AOX1: variants seen among roughly 807,000 people sequenced by gnomAD.
AOX1 encodes aldehyde oxidase 1.
Under a neutral mutation model 169.5 loss-of-function variants are expected in AOX1, and 153 were observed. The ratio of observed to expected loss-of-function variants is 0.90; its 90% CI spans 0.79 to 1.03. AOX1 has a LOEUF of 1.03. AOX1 is among the 50% of genes least tolerant of loss of function. The probability of loss-of-function intolerance (pLI) is 0.00; values close to 1 mark genes in which losing one functional copy is unlikely to be tolerated. For synonymous variants in AOX1, 562 were observed against 581.9 expected (o/e 0.97, Z 0.49); for missense variants, 1,656 against 1,663.9 (o/e 1.00, Z 0.08).
At chr2:200,643,959 G>A (rs1344273101) in intron 25 of AOX1, among the ~76,000 whole-genome samples, 1 of 147,578 alleles carries the variant, frequency 6.8e-6, no homozygotes, top group Non-Finnish European at 1.5e-5. Flanking sequence ...ATGGATATTA[G>A]TCCTTTGTCA....
chr2:200,681,599 A>G (rs1180010280), downstream of AOX1: 1 of 152,452 alleles, frequency 6.6e-6, no homozygotes, highest in African/African-American at 2.4e-5. Context: ...AAAAAAATTT[A>G]TTGATTGATC....
chr2:200,618,818 T>C (rs1281984836), intron 16 of AOX1, among the ~76,000 whole-genome samples: 4 of 152,168 alleles, frequency 2.6e-5, no homozygotes, highest in African/African-American at 9.7e-5. Flanking sequence ...TTTGTGGGAT[T>C]AGATGAATTA....
intron 16 of AOX1, among the ~76,000 whole-genome samples, chr2:200,619,849 A>G (rs17448686): frequency 0.1 from 15,362 of 152,222 alleles, 1,033 homozygotes; most frequent in Non-Finnish European, 0.15. Context: ...TGAAAAAAAG[A>G]AGGCTATTCT....
intron 16 of AOX1, among the ~76,000 whole-genome samples, chr2:200,619,360 T>C (rs2034834317): frequency 6.6e-6 from 1 of 152,156 alleles, no homozygotes; most frequent in South Asian, 2.1e-4. Context: ...CCAACATGAC[T>C]GCATGCCCCT....
chr2:200,662,367 A>T (rs2035844124), intron 30 of AOX1, among the ~76,000 whole-genome samples: 1 of 152,206 alleles, frequency 6.6e-6, no homozygotes, highest in Non-Finnish European at 1.5e-5. Flanking sequence ...AAGATTAGTT[A>T]GGAACAGAGC....
At chr2:200,591,196 A>T (rs1197265192) in intron 1 of AOX1, among the ~76,000 whole-genome samples, 1 of 152,230 alleles carries the variant, frequency 6.6e-6, no homozygotes, top group South Asian at 2.1e-4. Context: ...AGTGTTTGGC[A>T]TAAAGAAGAA....
chr2:200,673,444 G>T (rs1015250040), downstream of AOX1, among the ~76,000 whole-genome samples: 19 of 152,284 alleles, frequency 1.2e-4, no homozygotes, highest in African/African-American at 4.6e-4. Context: ...ATTCAGGCAC[G>T]AAATCCTGTC....
chr2:200,669,858 GAC>G, intron 34 of AOX1, 116 bp downstream of exon 34: 1 of 1,135,956 alleles, frequency 8.8e-7, no homozygotes, highest in Non-Finnish European at 1.2e-6. Context: ...CAGAAAAGGT[GAC>G]GGGAAACCTG....
intron 28 of AOX1, among the ~76,000 whole-genome samples, chr2:200,659,777 TTC>T (rs112152232): frequency 0.072 from 7,141 of 99,190 alleles, 371 homozygotes; most frequent in East Asian, 0.26. Flanking sequence ...ACAAGGCCAG[TTC>T]TCTCTCTCAC....
At chr2:200,651,635 C>T (rs1329255130) in intron 26 of AOX1, among the ~76,000 whole-genome samples, 1 of 152,098 alleles carries the variant, frequency 6.6e-6, no homozygotes, top group African/African-American at 2.4e-5. Context: ...TTGGGTGCTC[C>T]ACTCCTTCTG....
chr2:200,605,361 T>C (rs919664788), intron 9 of AOX1, among the ~76,000 whole-genome samples, 175 bp from the exon 10 acceptor site: 2 of 152,164 alleles, frequency 1.3e-5, no homozygotes, highest in African/African-American at 4.8e-5. Context: ...CCAAGTTTGA[T>C]GAAAATCTAT....
At chr2:200,603,437 T>C (rs2034453982) in intron 7 of AOX1, 81 bp downstream of exon 7, 6 of 1,110,974 alleles carry the variant, frequency 5.4e-6, no homozygotes, top group Non-Finnish European at 6.7e-6. Flanking sequence ...AACAAATGGC[T>C]ACCCAAGTTG....
chr2:200,619,201 C>T (rs1050516118), intron 16 of AOX1, among the ~76,000 whole-genome samples: 1 of 152,104 alleles, frequency 6.6e-6, no homozygotes, highest in African/African-American at 2.4e-5. Context: ...TATGTGTTGG[C>T]GACTTGTTCT....
At position 200,668,624 on chromosome 2, in the gene AOX1, G is replaced by A. The variant is rs1437359249; in HGVS notation, c.3619G>A (p.Ala1207Thr). ...PAIDIGQIEG[A>T]FIQGMGLYTI... ...TTTGTTCTTGCCTCAGATTGAAGGT[G>A]CATTTATTCAAGGCATGGGACTTTA... The change falls in exon 33 of 35, where the codon GCA (alanine) becomes ACA (threonine). Residue 1207 changes from alanine to threonine, a missense_variant. Coordinates refer to ENST00000374700, the MANE Select transcript of AOX1 (RefSeq NM_001159.4). 5 of 1,603,772 alleles carry A rather than the reference G, an allele frequency of 3.1e-6. No homozygotes were observed. Among genetic ancestry groups the A allele is most frequent in the Non-Finnish European group, 3.4e-6 (4 of 1,175,586 alleles).
In AOX1 at chr2:200,669,591, G is replaced by C. The variant is rs1211602165; in HGVS notation, c.3815G>C (p.Gly1272Ala). 45 of 1,613,988 alleles carry C rather than the reference G, an allele frequency of 2.8e-5. No homozygotes were observed. Among genetic ancestry groups the C allele is most frequent in the Non-Finnish European group, 3.4e-5 (40 of 1,179,974 alleles). Reference sequence around the variant, plus strand: ...CCTTTCAAGGGTCTGGGAGAGTCGGGGGTGTTCCTGGGGTGTTCCGTGTTT... The same window carrying C: ...CCTTTCAAGGGTCTGGGAGAGTCGGCGGTGTTCCTGGGGTGTTCCGTGTTT... ...LYSSKGLGES[G>A]VFLGCSVFFA... Residue 1272 changes from glycine (G) to alanine (A), a missense_variant, in exon 34 of 35, where the codon GGG becomes GCG. Coordinates refer to ENST00000374700, the MANE Select transcript of AOX1 (RefSeq NM_001159.4).
At chr2:200,676,614 AAAGAAGAAGAAG>A (rs1231282657) in intron 4 of AOX1, among the ~76,000 whole-genome samples, 2 of 148,462 alleles carry the variant, frequency 1.3e-5, no homozygotes, top group Non-Finnish European at 3.0e-5. Flanking sequence ...AAAAAAAAAA[AAAGAAGAAGAAG>A]AAGAAGAAGA....
chr2:200,668,844 T>C, intron 33 of AOX1, 41 bp downstream of exon 33: 1 of 1,558,318 alleles, frequency 6.4e-7, no homozygotes, highest in Non-Finnish European at 8.8e-7. Context: ...GTTTATATGA[T>C]ACCTGTTGGG....
intron 25 of AOX1, 24 bp from the exon 26 acceptor site, chr2:200,650,950 C>A (rs764859004): frequency 1.2e-6 from 2 of 1,609,550 alleles, no homozygotes; most frequent in South Asian, 1.1e-5. Flanking sequence ...CCCCTCCCAG[C>A]TTTAATCTCC....
rs755064133 is a variant in AOX1 at position 200,616,170 on chromosome 2, T to C, written c.1704+107T>C. 5.4e-5 allele frequency: 42 copies of C among 778,884 alleles called. 1 individual carries two copies. Among genetic ancestry groups the C allele is most frequent in the Non-Finnish European group, 6.4e-6 (3 of 468,496 alleles). 48.2% of individuals were successfully genotyped at this position (778,884 alleles called of 1,614,324 possible). ...AAACTCAAGCTCTGTAAGTCCAAGC[T>C]CCACTTCTGGTAAACTCACAGCCTC... is the stretch of plus-strand genomic sequence containing the variant. On this transcript the variant is annotated intron_variant, in intron 16 of 34. Transcript: ENST00000374700.
Sources: gnomAD v4.1 joint callset for allele counts (sites outside exome capture counted in the v4.1 genomes callset) on GRCh38, gnomAD v4.1.1 for gene constraint, MANE v1.5 for transcripts, NCBI Gene and HGNC (gene_info 2026-07-23, HGNC 2026-07-21) for gene names.